APEH: variants seen among roughly 807,000 people sequenced by gnomAD.
APEH encodes the protein acylaminoacyl-peptide hydrolase.
A neutral mutation model predicts 102.7 loss-of-function variants in APEH; 75 were observed. The observed-to-expected ratio is 0.73, with a 90% CI of 0.61 to 0.89. APEH has a LOEUF of 0.89. Among genes scored for constraint, APEH ranks in the 40% least tolerant of loss-of-function variants. The probability of loss-of-function intolerance (pLI) is 0.00; values close to 1 mark genes in which losing one functional copy is unlikely to be tolerated. For synonymous variants in APEH, 344 were observed against 362.7 expected (o/e 0.95, Z 0.59); for missense variants, 863 against 941.2 (o/e 0.92, Z 1.09).
chr3:49,673,574 A>T (rs947448100), upstream of APEH, among the ~76,000 whole-genome samples: 1 of 152,012 alleles, frequency 6.6e-6, no homozygotes, highest in Non-Finnish European at 1.5e-5. Context: ...GCAGCACCCT[A>T]AGAGTTGGCA....
chr3:49,677,724 G>C, intron 11 of APEH, 91 bp downstream of exon 11: 1 of 1,325,326 alleles, frequency 7.5e-7, no homozygotes, highest in Admixed American at 1.7e-5. Flanking sequence ...TTCTTTCCTA[G>C]GTTCCTTCTG....
Position 49,676,907 on chromosome 3 carries a change from C to T in APEH, c.882C>T (p.Leu294=), listed in dbSNP as rs111604611. The T allele has an allele frequency of 1.9e-6, 3 of 1,614,224 alleles. No homozygotes were observed. Among genetic ancestry groups the T allele is most frequent in the Non-Finnish European group, 1.7e-6 (2 of 1,180,046 alleles). ...TCATGTTTCCATCTGGCCCAGAGCTCCTCTCGGATGACTCCCTGGCTGTCT... is the reference window on the plus strand; with the variant it reads ...TCATGTTTCCATCTGGCCCAGAGCTTCTCTCGGATGACTCCCTGGCTGTCT... The part of the protein sequence containing the change: ...YVDLIGGKCE[L]LSDDSLAVSS... Residue 294 remains leucine (L), a synonymous_variant, in exon 10 of 22, where the codon CTC becomes CTT. Coordinates refer to ENST00000296456, the MANE Select transcript of APEH (RefSeq NM_001640.4).
Position 49,682,731 on chromosome 3 carries a change from T to C in APEH, c.1878T>C (p.Pro626=). ...IASMLGSTDI[P]DWCVVEAGFP... ...CCATGTTGGGCTCCACTGACATCCC[T>C]GACTGGTAGGCATACACCACAGGTC... is the stretch of plus-strand genomic sequence containing the variant. Residue 626 remains proline (P), a synonymous_variant, in exon 19 of 22, where the codon CCT becomes CCC. Coordinates refer to ENST00000296456, the MANE Select transcript of APEH (RefSeq NM_001640.4). The C allele has an allele frequency of 6.2e-7, 1 of 1,613,936 alleles. No homozygotes were observed. Among genetic ancestry groups the C allele is most frequent in the African/African-American group, 1.3e-5 (1 of 75,036 alleles).
At position 49,674,638 on chromosome 3, in the gene APEH, G is replaced by C. The variant is rs1463806197; in HGVS notation, c.145+17G>C. ...TGCACACTGGTGTGTGTGCGAAGGG[G>C]AACTGGCTGGCGACGGGGTCGCGCA... On this transcript the variant is annotated intron_variant, in intron 2 of 21. Transcript: ENST00000296456. 1 of 1,586,138 alleles carries C rather than the reference G, an allele frequency of 6.3e-7. No individual in the cohort carries two copies. The highest frequency in any genetic ancestry group is 8.5e-7 in the Non-Finnish European group (1 of 1,175,674).
Position 49,674,400 on chromosome 3 carries a change from C to G in APEH, c.-2C>G. 6.3e-7 allele frequency: 1 copy of G among 1,576,736 alleles called. No homozygotes were observed. Among genetic ancestry groups the G allele is most frequent in the Non-Finnish European group, 8.6e-7 (1 of 1,167,672 alleles). ...CCTCGCCCCGGCGGCAGAGAGGAGA[C>G]TATGGAACGTCAGGTGAGGGCTCGG... is the stretch of plus-strand genomic sequence containing the variant. On this transcript the variant is annotated 5_prime_UTR_variant, in exon 1 of 22. Transcript: ENST00000296456.
At chr3:49,681,342 G>A in intron 15 of APEH, 103 bp downstream of exon 15, 1 of 1,320,550 alleles carries the variant, frequency 7.6e-7, no homozygotes, top group Non-Finnish European at 9.9e-7. Context: ...GGGGTTTCTG[G>A]TGATGACCTC....
intron 3 of APEH, 107 bp from the exon 4 acceptor site, chr3:49,675,587 G>A: frequency 8.4e-7 from 1 of 1,186,836 alleles, no homozygotes. Flanking sequence ...TCCAGAAGCT[G>A]GTGTGGGGCC....
In APEH at chr3:49,682,347, G is replaced by C; in HGVS notation, c.1604-1G>C. The C allele has an allele frequency of 6.2e-7, 1 of 1,612,438 alleles. No individual in the cohort carries two copies. Among genetic ancestry groups the C allele is most frequent in the Non-Finnish European group, 8.5e-7 (1 of 1,178,924 alleles). ...ACTGTCTGGTCCCTCCCTGCCCTCA[G>C]TGAACTATCGTGGCTCCACGGGCTT... On this transcript the variant is annotated splice_acceptor_variant, in intron 17 of 21. Transcript: ENST00000296456. LOFTEE classifies it high-confidence loss of function.
In APEH at chr3:49,683,092, T is replaced by C. The variant is rs761065484; in HGVS notation, c.2039T>C (p.Phe680Ser). ...GGCCAGGAGGACCGGCGTGTGCCCT[T>C]CAAGCAGGGCATGGAGTATTACCGT... ...MLGQEDRRVP[F>S]KQGMEYYRAL... is the part of the protein sequence containing the mutation. The change falls in exon 21 of 22, where the codon TTC (phenylalanine) becomes TCC (serine). Residue 680 changes from phenylalanine (F) to serine (S), a missense_variant. Transcript: ENST00000296456. 1 of 1,614,060 alleles carries C rather than the reference T, an allele frequency of 6.2e-7. No individual in the cohort carries two copies. The highest frequency in any genetic ancestry group is 2.2e-5 in the East Asian group (1 of 44,880).
chr3:49,674,310 A>G (rs2052908076), upstream of APEH: 1 of 1,466,024 alleles, frequency 6.8e-7, no homozygotes, highest in Admixed American at 2.2e-5. Context: ...GCAGGGGCGG[A>G]GACAGCCCGG....
At position 49,683,123 on chromosome 3, in the gene APEH, C is replaced by G; in HGVS notation, c.2070C>G (p.Leu690=). The G allele has an allele frequency of 6.2e-7, 1 of 1,614,120 alleles. No individual in the cohort carries two copies. The highest frequency in any genetic ancestry group is 8.5e-7 in the Non-Finnish European group (1 of 1,180,040). The part of the protein sequence containing the change: ...FKQGMEYYRA[L]KTRNVPVRLL... ...AGGGCATGGAGTATTACCGTGCCCTCAAGACCCGGAATGTGCCTGTTCGGT... is the reference window on the plus strand; with the variant it reads ...AGGGCATGGAGTATTACCGTGCCCTGAAGACCCGGAATGTGCCTGTTCGGT... Residue 690 remains leucine, a synonymous_variant, in exon 21 of 22, where the codon CTC becomes CTG. Coordinates refer to ENST00000296456, the MANE Select transcript of APEH (RefSeq NM_001640.4).
chr3:49,677,364 T>C (rs2108120068), intron 10 of APEH, among the ~76,000 whole-genome samples: 1 of 152,220 alleles, frequency 6.6e-6, no homozygotes. Flanking sequence ...CAGGAAGAGC[T>C]CTGGGCCCCT....
chr3:49,675,993 A>G, intron 5 of APEH, 27 bp downstream of exon 5: 1 of 1,614,232 alleles, frequency 6.2e-7, no homozygotes. Context: ...GTGAGCAGGC[A>G]GGGTGGACAG....
At chr3:49,673,207 C>CCATGGA (rs1446235003), upstream of APEH, among the ~76,000 whole-genome samples, 5 of 147,864 alleles carry the variant, frequency 3.4e-5, no homozygotes, top group Non-Finnish European at 1.5e-5. Flanking sequence ...CACAAGCACG[C>CCATGGA]CATGGAGCAG....
Position 49,679,732 on chromosome 3 carries a change from GCAGT to G in APEH, c.1210+89_1210+92del. On this transcript the variant is annotated intron_variant, in intron 13 of 21. Transcript: ENST00000296456. The surrounding 1 kb of genome is among the most constrained non-coding windows in gnomAD (Gnocchi z 4.3). ...GGGGACTGGAGCTCCAACATGTGGG[GCAGT>G]GATGGCATTCTCAGCCACTCAGCAC... 7.4e-7 allele frequency: 1 copy of G among 1,350,112 alleles called. No individual in the cohort carries two copies. The highest frequency in any genetic ancestry group is 2.3e-5 in the East Asian group (1 of 42,598). 83.6% of individuals were successfully genotyped at this position (1,350,112 alleles called of 1,614,324 possible). A position where few individuals can be genotyped will look rare whatever the true frequency, so the allele number is the denominator to read the frequency against.
rs1180650544 is a variant in APEH at position 49,682,939 on chromosome 3, C to T, written c.1980C>T (p.Ile660=). The T allele has an allele frequency of 1.9e-6, 3 of 1,613,668 alleles. No individual in the cohort carries two copies. Among genetic ancestry groups the T allele is most frequent in the Admixed American group, 1.7e-5 (1 of 59,972 alleles). Reference sequence around the variant, plus strand: ...TGGACAAATCGCCCATCAGATACATCCCTCAGGTATGCAGCCCCCTCCTTG... The same window carrying T: ...TGGACAAATCGCCCATCAGATACATTCCTCAGGTATGCAGCCCCCTCCTTG... The part of the protein sequence containing the change: ...EMLDKSPIRY[I]PQVKTPLLLM... Residue 660 remains isoleucine, a synonymous_variant, in exon 20 of 22, where the codon ATC becomes ATT. Coordinates refer to ENST00000296456, the MANE Select transcript of APEH (RefSeq NM_001640.4).
chr3:49,681,788 T>C lies in APEH; in HGVS notation c.1505T>C (p.Met502Thr). The C allele has an allele frequency of 6.2e-7, 1 of 1,611,706 alleles. No homozygotes were observed. Among genetic ancestry groups the C allele is most frequent in the South Asian group, 1.1e-5 (1 of 90,886 alleles). ...GSPPDKTQVP[M>T]VVMPHGGPHS... ...CCTCCAGATAAGACCCAAGTGCCCA[T>C]GGTGGTCATGCCCCACGGTAGGCAT... The change falls in exon 16 of 22, where the codon ATG becomes ACG. Residue 502 changes from methionine (M) to threonine (T), a missense_variant. Transcript: ENST00000296456.
In APEH at chr3:49,677,622, G is replaced by A. The variant is rs369237307; in HGVS notation, c.1049G>A (p.Arg350Gln). The change falls in exon 11 of 22, where the codon CGG (arginine) becomes CAG (glutamine). Residue 350 changes from arginine (R) to glutamine (Q), a missense_variant. Physicochemically the swap from Arg to Gln is conservative, Grantham distance 43 (BLOSUM62 1). Coordinates refer to ENST00000296456, the MANE Select transcript of APEH (RefSeq NM_001640.4). The stretch of plus-strand genomic sequence containing the variant: ...TCAGTGGTGGTAGATGTTGTGCCTC[G>A]GCAGCTGGGAGGTAAGGCATACCTG... ...VTSVVVDVVP[R>Q]QLGENFSGIY... 3.1e-6 allele frequency: 5 copies of A among 1,613,628 alleles called. No individual in the cohort carries two copies. The highest frequency in any genetic ancestry group is 1.3e-5 in the African/African-American group (1 of 74,896).
At position 49,682,679 on chromosome 3, in the gene APEH, C is replaced by T. The variant is rs1253197233; in HGVS notation, c.1826C>T (p.Ala609Val). The T allele has an allele frequency of 1.9e-6, 3 of 1,613,868 alleles. No individual in the cohort carries two copies. Among genetic ancestry groups the T allele is most frequent in the African/African-American group, 2.7e-5 (2 of 74,922 alleles). Residue 609 changes from alanine to valine, a missense_variant, in exon 19 of 22, where the codon GCC (alanine) becomes GTC (valine). Coordinates refer to ENST00000296456, the MANE Select transcript of APEH (RefSeq NM_001640.4). Reference protein sequence around the residue: ...QYPETYRACVARNPVINIASM... With the variant: ...QYPETYRACVVRNPVINIASM... ...CCAGAGACCTACAGGGCCTGCGTGG[C>T]CCGGAACCCCGTGATCAACATCGCC...
Sources: gnomAD v4.1 joint callset for allele counts (sites outside exome capture counted in the v4.1 genomes callset) on GRCh38, gnomAD v4.1.1 for gene constraint, Gnocchi (gnomAD v3.1) non-coding constraint, MANE v1.5 for transcripts, NCBI Gene and HGNC (gene_info 2026-07-23, HGNC 2026-07-21) for gene names.